Variants in RTN4RL1 observed in about 807,000 individuals in gnomAD.
RTN4RL1 encodes the protein reticulon-4 receptor-like 1.
A neutral mutation model predicts 25.6 loss-of-function variants in RTN4RL1; 7 were observed. That is an observed-to-expected ratio of 0.27 (90% CI 0.16 to 0.51). RTN4RL1 has a LOEUF of 0.51. Among genes scored for constraint, RTN4RL1 ranks in the 20% least tolerant of loss-of-function variants. The probability of loss-of-function intolerance (pLI) is 0.97; values close to 1 mark genes in which losing one functional copy is unlikely to be tolerated. For missense variants in RTN4RL1, 500 were observed against 615.6 expected, an observed-to-expected ratio of 0.81 and a Z score of 1.99; for synonymous variants, 297 against 288.2, an observed-to-expected ratio of 1.03 and a Z score of -0.31.
chr17:1,987,988 C>G (rs2066894043), intron 1 of RTN4RL1, among the ~76,000 whole-genome samples: 1 of 152,022 alleles, frequency 6.6e-6, no homozygotes, highest in Non-Finnish European at 1.5e-5. Context: ...CACCTGTAAT[C>G]CCAGCTACTC....
At chr17:1,959,964 C>T (rs1446468193) in intron 1 of RTN4RL1, among the ~76,000 whole-genome samples, 1 of 152,102 alleles carries the variant, frequency 6.6e-6, no homozygotes, top group Non-Finnish European at 1.5e-5. Flanking sequence ...CTGGCACTGC[C>T]ACGTTAGTAT....
chr17:1,984,443 A>G (rs1053392912), intron 1 of RTN4RL1, among the ~76,000 whole-genome samples: 1 of 151,954 alleles, frequency 6.6e-6, no homozygotes, highest in African/African-American at 2.4e-5. Flanking sequence ...AGCTCACTGA[A>G]GCCTCAAACT....
intron 1 of RTN4RL1, among the ~76,000 whole-genome samples, chr17:1,988,637 G>C (rs1174028384): frequency 6.6e-6 from 1 of 152,068 alleles, no homozygotes; most frequent in Admixed American, 6.6e-5. Flanking sequence ...TGAACCCCCT[G>C]ATGTCTTAAA....
At chr17:2,008,172 G>A (rs2067014419) in intron 1 of RTN4RL1, among the ~76,000 whole-genome samples, 1 of 151,782 alleles carries the variant, frequency 6.6e-6, no homozygotes. Flanking sequence ...GGGAGGCTGA[G>A]GCAGGAGAAT....
chr17:1,964,204 GA>G (rs2151310911), intron 1 of RTN4RL1, among the ~76,000 whole-genome samples: 1 of 152,270 alleles, frequency 6.6e-6, no homozygotes, highest in East Asian at 1.9e-4. Flanking sequence ...GACTTAGTAA[GA>G]AAAAGAATAA....
At chr17:1,958,716 C>T (rs899915784) in intron 1 of RTN4RL1, among the ~76,000 whole-genome samples, 2 of 152,214 alleles carry the variant, frequency 1.3e-5, no homozygotes, top group Non-Finnish European at 2.9e-5. Context: ...CTGGCAGCAG[C>T]GTGCGGGCCG....
intron 1 of RTN4RL1, among the ~76,000 whole-genome samples, chr17:1,971,331 C>G (rs892477346): frequency 2.6e-5 from 4 of 152,192 alleles, no homozygotes; most frequent in African/African-American, 4.8e-5. Flanking sequence ...TGAGGCCTCC[C>G]CAGTCACGCA....
chr17:2,013,416 T>G (rs1306880660), intron 1 of RTN4RL1, among the ~76,000 whole-genome samples: 2 of 152,152 alleles, frequency 1.3e-5, no homozygotes, highest in Admixed American at 6.5e-5. Context: ...TGCAAAGACT[T>G]GCATTTCTTT....
At chr17:1,958,027 T>TA (rs1424815448) in intron 1 of RTN4RL1, among the ~76,000 whole-genome samples, 1 of 150,076 alleles carries the variant, frequency 6.7e-6, no homozygotes, top group African/African-American at 2.5e-5. Context: ...ACTAAAAAAA[T>TA]AAAAAATAAA....
chr17:1,946,727 G>A (rs1475652066), intron 1 of RTN4RL1, among the ~76,000 whole-genome samples: 3 of 146,264 alleles, frequency 2.1e-5, no homozygotes, highest in Non-Finnish European at 3.0e-5. Flanking sequence ...GTCTCTGTGT[G>A]AATATGTGTG....
At chr17:1,948,780 G>T (rs1278701907) in intron 1 of RTN4RL1, among the ~76,000 whole-genome samples, 6 of 147,260 alleles carry the variant, frequency 4.1e-5, no homozygotes, top group Non-Finnish European at 6.0e-5. Flanking sequence ...GTGGGGTGGG[G>T]ACCTACTGTT....
Position 1,935,035 on chromosome 17 carries a change from C to CG in RTN4RL1, c.*1460_*1461insC, listed in dbSNP as rs112655137. The CG allele has an allele frequency of 0.3, 45,266 of 152,306 alleles. 7,326 individuals are homozygous for CG. The highest frequency in any genetic ancestry group is 0.43 in the African/African-American group (17,986 of 41,470). The allele number at this position is 152,306 out of a possible 1,614,324, so 9.4% of individuals were successfully genotyped here. On this transcript the variant is annotated 3_prime_UTR_variant, in exon 2 of 2. Transcript: ENST00000331238. ...CATTGTTCCCCTTCTGCTAAGGCCCCCGACGCCTCCCTCCTGCTGTCCCAC... is the reference window on the plus strand; with the variant it reads ...CATTGTTCCCCTTCTGCTAAGGCCCCGCGACGCCTCCCTCCTGCTGTCCCAC...
intron 1 of RTN4RL1, among the ~76,000 whole-genome samples, chr17:1,992,479 T>G (rs904565746): frequency 6.6e-6 from 1 of 152,060 alleles, no homozygotes; most frequent in Admixed American, 6.5e-5. Flanking sequence ...CCTCCCCCAG[T>G]TGGGGCTAAG....
chr17:1,935,005 G>A lies in RTN4RL1; in HGVS notation c.*1491C>T, dbSNP rs895440173. On this transcript the variant is annotated 3_prime_UTR_variant, in exon 2 of 2. Transcript: ENST00000331238. ...AAGTGCCTGAGATGGTTCATGAAAT[G>A]CCCTCATTGTTCCCCTTCTGCTAAG... 1 of 150,586 alleles carries A rather than the reference G, an allele frequency of 6.6e-6. No individual in the cohort carries two copies. The highest frequency in any genetic ancestry group is 2.5e-5 in the African/African-American group (1 of 40,408). 9.3% of individuals were successfully genotyped at this position (150,586 alleles called of 1,614,324 possible).
rs552078555 is a variant in RTN4RL1 at position 2,001,175 on chromosome 17, C to T, written c.13+23678G>A. On this transcript the variant is annotated intron_variant, in intron 1 of 1. Transcript: ENST00000331238. The stretch of plus-strand genomic sequence containing the variant: ...GTGCTGGGATTACAGGTGTGAGCCA[C>T]CACGCCTGGCCTTTCATTTACTTTG... 6.2e-4 allele frequency among the ~76,000 whole-genome samples: 94 copies of T among 151,844 alleles called. 1 individual carries two copies. Among genetic ancestry groups the T allele is most frequent in the African/African-American group, 2.0e-3 (82 of 41,416 alleles).
intron 1 of RTN4RL1, among the ~76,000 whole-genome samples, chr17:2,022,553 G>A (rs1390606374): frequency 6.6e-6 from 1 of 152,224 alleles, no homozygotes; most frequent in Non-Finnish European, 1.5e-5. Context: ...TTTTGGCTTT[G>A]GGCGCCTACC....
chr17:2,009,847 C>T (rs541600936), intron 1 of RTN4RL1, among the ~76,000 whole-genome samples: 1 of 128,320 alleles, frequency 7.8e-6, no homozygotes, highest in East Asian at 2.9e-4. Context: ...CAAACCACTC[C>T]ACAGGCCACA....
chr17:2,003,258 G>C (rs901223847), intron 1 of RTN4RL1: 1 of 152,380 alleles, frequency 6.6e-6, no homozygotes, highest in South Asian at 2.1e-4. Context: ...CCTGCAGGCT[G>C]GCAGACGGGC....
At chr17:1,993,369 G>A (rs1333162206) in intron 1 of RTN4RL1, among the ~76,000 whole-genome samples, 1 of 152,214 alleles carries the variant, frequency 6.6e-6, no homozygotes, top group East Asian at 1.9e-4. Flanking sequence ...AGTCAGACCT[G>A]GGTTCAAATC....
Sources: allele counts gnomAD v4.1 joint callset (sites outside exome capture counted in the v4.1 genomes callset), GRCh38; gene constraint gnomAD v4.1.1; transcripts MANE v1.5; gene names NCBI Gene and HGNC (gene_info 2026-07-23, HGNC 2026-07-21).